The following CALN1 variants were observed in gnomAD, a reference collection of about 807,000 sequenced individuals.
CALN1 encodes calcium-binding protein 8.
CALN1 carries 17 observed loss-of-function variants against 30.6 expected under a neutral mutation model. That is an observed-to-expected ratio of 0.56 (90% CI 0.38 to 0.83). CALN1 has a LOEUF of 0.83. Ranked by LOEUF, CALN1 falls within the 40% of genes least tolerant of loss-of-function variation. CALN1 has a pLI of 0.00. For missense variants in CALN1, 291 were observed against 354.9 expected (o/e 0.82, Z 1.45); for synonymous variants, 156 against 131.4 (o/e 1.19, Z -1.28).
chr7:71,888,999 G>A (rs1036811144), intron 5 of CALN1, among the ~76,000 whole-genome samples: 1 of 152,236 alleles, frequency 6.6e-6, no homozygotes, highest in Non-Finnish European at 1.5e-5. Flanking sequence ...ATCAGGAAAG[G>A]TAGGAACAAC....
intron 3 of CALN1, among the ~76,000 whole-genome samples, chr7:72,116,394 C>A (rs1478359015): frequency 6.6e-6 from 1 of 152,182 alleles, no homozygotes; most frequent in African/African-American, 2.4e-5. Flanking sequence ...AAGGGAAAAA[C>A]ATGCACAGGA....
rs1279646515 is a variant in CALN1, at chr7:72,008,963, A to C, written c.501+14694T>G. 6.7e-4 allele frequency among the ~76,000 whole-genome samples: 102 copies of C among 152,106 alleles called. 1 individual carries two copies. The highest frequency in any genetic ancestry group is 1.0e-4 in the Non-Finnish European group (7 of 68,004). On this transcript the variant is annotated intron_variant, in intron 5 of 6. Coordinates refer to ENST00000395275, the MANE Select transcript of CALN1 (RefSeq NM_031468.4). The stretch of plus-strand genomic sequence containing the variant: ...GAGCCACTGTGCCCGGCCTCAAATA[A>C]ATTTTTAAACAATGTTATATGTAAG...
intron 5 of CALN1, among the ~76,000 whole-genome samples, chr7:71,830,839 T>C (rs1789233204): frequency 6.6e-6 from 1 of 152,196 alleles, no homozygotes; most frequent in Non-Finnish European, 1.5e-5. Flanking sequence ...ACTCTTTTTA[T>C]TCCCAAATCA....
intron 5 of CALN1, among the ~76,000 whole-genome samples, chr7:71,925,486 G>GTTTTTTTGGT (rs1795218379): frequency 7.5e-6 from 1 of 132,488 alleles, no homozygotes; most frequent in Admixed American, 7.9e-5. Flanking sequence ...TATTTTTTGG[G>GTTTTTTTGGT]TTTTTTTGGT....
intron 6 of CALN1, among the ~76,000 whole-genome samples, chr7:71,804,421 T>C (rs1584255148): frequency 6.6e-6 from 1 of 152,038 alleles, no homozygotes; most frequent in Non-Finnish European, 1.5e-5. Flanking sequence ...AGCAGGAGGA[T>C]TGTGTGAGCC....
At chr7:72,137,319 C>T (rs1289981603) in intron 3 of CALN1, among the ~76,000 whole-genome samples, 1 of 152,178 alleles carries the variant, frequency 6.6e-6, no homozygotes, top group Non-Finnish European at 1.5e-5. Context: ...TTAAAGAGAA[C>T]TTACAACGGT....
At chr7:72,476,124 T>G in the CALN1 span, among the ~76,000 whole-genome samples, 35,223 of 151,510 alleles carry the variant, frequency 0.23, 4,717 homozygotes, top group Non-Finnish European at 0.3. Flanking sequence ...AATTTTTGTA[T>G]TTTTAATAGA....
chr7:72,064,923 A>G (rs1326471967), intron 4 of CALN1, among the ~76,000 whole-genome samples: 1 of 151,914 alleles, frequency 6.6e-6, no homozygotes, highest in Non-Finnish European at 1.5e-5. Flanking sequence ...GAGCTCTGTT[A>G]TTATGTGGCT....
At chr7:72,146,008 C>T (rs1388978838) in intron 3 of CALN1, among the ~76,000 whole-genome samples, 1 of 152,174 alleles carries the variant, frequency 6.6e-6, no homozygotes, top group African/African-American at 2.4e-5. Context: ...AACCCACAGC[C>T]AGTATCATAC....
chr7:72,244,029 T>C (rs1302078672), intron 3 of CALN1, among the ~76,000 whole-genome samples: 4 of 152,208 alleles, frequency 2.6e-5, no homozygotes, highest in African/African-American at 9.6e-5. Flanking sequence ...TCCTGCTGAA[T>C]GGAATGAGGA....
intron 3 of CALN1, among the ~76,000 whole-genome samples, chr7:72,186,448 C>T (rs1790193357): frequency 1.3e-5 from 2 of 151,982 alleles, no homozygotes; most frequent in South Asian, 4.1e-4. Flanking sequence ...ACTGTACATT[C>T]GGGGGTACAT....
intron 5 of CALN1, among the ~76,000 whole-genome samples, chr7:71,821,702 T>C (rs1788599663): frequency 6.6e-6 from 1 of 152,198 alleles, no homozygotes; most frequent in Admixed American, 6.5e-5. Context: ...CAGTGCTTTG[T>C]TAATGTCTTT....
intron 2 of CALN1, among the ~76,000 whole-genome samples, chr7:72,289,233 A>C (rs1798307374): frequency 6.6e-6 from 1 of 152,276 alleles, no homozygotes; most frequent in Admixed American, 6.5e-5. Flanking sequence ...AAATCTCTTT[A>C]TTCTCTTTTT....
At chr7:72,295,056 T>C (rs1798757687) in intron 2 of CALN1, among the ~76,000 whole-genome samples, 1 of 152,170 alleles carries the variant, frequency 6.6e-6, no homozygotes, top group South Asian at 2.1e-4. Context: ...GTCAATACTT[T>C]CAGTGTATAC....
rs372042576 is a variant in CALN1 at position 71,911,947 on chromosome 7, C to T, written c.502-101455G>A. Among the ~76,000 whole-genome samples, 86 of 152,136 alleles carry T rather than the reference C, an allele frequency of 5.7e-4. 1 individual carries two copies. In the East Asian group the frequency reaches 0.016, roughly 29 times the overall value. ...CACATGAAGGGGCTTCACCAAATCCCAGAACACCACGGTGAGAGGAATTTC... is the reference window on the plus strand; with the variant it reads ...CACATGAAGGGGCTTCACCAAATCCTAGAACACCACGGTGAGAGGAATTTC... On this transcript the variant is annotated intron_variant, in intron 5 of 6. Coordinates refer to ENST00000395275, the MANE Select transcript of CALN1 (RefSeq NM_031468.4).
intron 3 of CALN1, among the ~76,000 whole-genome samples, chr7:72,114,523 AATG>A (rs764337710): frequency 1.8e-4 from 28 of 151,928 alleles, no homozygotes; most frequent in Non-Finnish European, 3.8e-4. Context: ...ATGGGGATAA[AATG>A]ATGATCGCTG....
intron 3 of CALN1, among the ~76,000 whole-genome samples, chr7:72,219,551 C>A (rs901478261): frequency 6.6e-6 from 1 of 152,006 alleles, no homozygotes; most frequent in African/African-American, 2.4e-5. Flanking sequence ...ATTTAAGAGT[C>A]AACTGAATTT....
intron 5 of CALN1, among the ~76,000 whole-genome samples, chr7:72,010,206 C>G (rs844730): frequency 0.75 from 114,267 of 151,980 alleles, 44,372 homozygotes; most frequent in East Asian, 1. Flanking sequence ...CCTTTGAGAG[C>G]TGATTAGATC....
At chr7:72,296,267 G>C (rs1301289007) in intron 2 of CALN1, among the ~76,000 whole-genome samples, 2 of 149,474 alleles carry the variant, frequency 1.3e-5, no homozygotes, top group African/African-American at 2.5e-5. Flanking sequence ...CAGTTTGCCA[G>C]TATTTTATTG....
Sources: allele counts gnomAD v4.1 joint callset (sites outside exome capture counted in the v4.1 genomes callset), GRCh38; gene constraint gnomAD v4.1.1; transcripts MANE v1.5; gene names NCBI Gene and HGNC (gene_info 2026-07-23, HGNC 2026-07-21).